The following UST variants were observed in gnomAD, a reference collection of about 807,000 sequenced individuals.
UST encodes uronyl 2-sulfotransferase.
UST carries 21 observed loss-of-function variants against 45.6 expected under a neutral mutation model. The ratio of observed to expected loss-of-function variants is 0.46; its 90% CI spans 0.33 to 0.66. The LOEUF (loss-of-function observed/expected upper bound fraction) is 0.66. Ranked by LOEUF, UST falls within the 30% of genes least tolerant of loss-of-function variation. The probability of loss-of-function intolerance (pLI) is 0.02; values close to 1 mark genes in which losing one functional copy is unlikely to be tolerated. For missense variants in UST, 463 were observed against 512.4 expected (o/e 0.90, Z 0.93); for synonymous variants, 215 against 200.6 (o/e 1.07, Z -0.61).
At position 148,999,912 on chromosome 6, in the gene UST, T is replaced by C. The variant is rs117842457; in HGVS notation, c.682-19227T>C. 9.7e-3 allele frequency among the ~76,000 whole-genome samples: 1,470 copies of C among 152,278 alleles called. 10 individuals carry two copies. The highest frequency in any genetic ancestry group is 0.015 in the Non-Finnish European group (1,004 of 68,018). ...ACCCCAAATATATTGTAATGATTGATAGAATATAAAAAGAGGAAATCCAAA... is the reference window on the plus strand; with the variant it reads ...ACCCCAAATATATTGTAATGATTGACAGAATATAAAAAGAGGAAATCCAAA... On this transcript the variant is annotated intron_variant, in intron 5 of 7. Coordinates refer to ENST00000367463, the MANE Select transcript of UST (RefSeq NM_005715.3).
At chr6:148,750,412 A>G (rs1197472834) in intron 1 of UST, among the ~76,000 whole-genome samples, 2 of 152,232 alleles carry the variant, frequency 1.3e-5, no homozygotes, top group Non-Finnish European at 2.9e-5. Context: ...CAGTGCATAC[A>G]CAGGGTGACA....
intron 1 of UST, among the ~76,000 whole-genome samples, chr6:148,800,586 T>C (rs1777037363): frequency 6.6e-6 from 1 of 152,036 alleles, no homozygotes; most frequent in South Asian, 2.1e-4. Context: ...TAGTTGCTTA[T>C]AATGGGCCAC....
At chr6:148,749,804 T>A (rs1379901697) in intron 1 of UST, among the ~76,000 whole-genome samples, 1 of 152,230 alleles carries the variant, frequency 6.6e-6, no homozygotes, top group African/African-American at 2.4e-5. Flanking sequence ...ACTGAAAGAT[T>A]GAATGCTGCT....
intron 1 of UST, among the ~76,000 whole-genome samples, chr6:148,769,413 C>T (rs1776377709): frequency 6.6e-6 from 1 of 152,204 alleles, no homozygotes; most frequent in Admixed American, 6.5e-5. Context: ...TGTTTCATAT[C>T]ACAAGAGGCA....
chr6:149,043,104 T>C (rs1261746956), intron 7 of UST, among the ~76,000 whole-genome samples: 3 of 151,188 alleles, frequency 2.0e-5, no homozygotes, highest in African/African-American at 4.9e-5. Flanking sequence ...TTGTTTCTTT[T>C]CATTCTTTCT....
intron 1 of UST, among the ~76,000 whole-genome samples, chr6:148,841,883 T>A (rs1170762671): frequency 6.6e-6 from 1 of 152,202 alleles, no homozygotes; most frequent in Non-Finnish European, 1.5e-5. Context: ...GGTGGGCAGA[T>A]CACCTGCGGT....
chr6:148,924,547 G>A (rs1483241249), intron 2 of UST, among the ~76,000 whole-genome samples: 2 of 152,204 alleles, frequency 1.3e-5, no homozygotes, highest in African/African-American at 4.8e-5. Context: ...TAAGGGGAGA[G>A]GAGACTGGCA....
intron 1 of UST, among the ~76,000 whole-genome samples, chr6:148,871,141 T>TCTCTCTCTCTCTCTCTCTCTCTCC (rs1562283619): frequency 2.7e-5 from 4 of 149,258 alleles, no homozygotes; most frequent in African/African-American, 1.0e-4. Context: ...TCTCTCTCTC[T>TCTCTCTCTCTCTCTCTCTCTCTCC]CTCTCCCTCT....
chr6:148,858,132 T>G (rs1190275028), intron 1 of UST, among the ~76,000 whole-genome samples: 1 of 152,082 alleles, frequency 6.6e-6, no homozygotes, highest in Non-Finnish European at 1.5e-5. Flanking sequence ...TGAAGGGAGT[T>G]TATTAAGGAG....
intron 1 of UST, among the ~76,000 whole-genome samples, chr6:148,766,894 G>C (rs539349180): frequency 1.3e-5 from 2 of 152,148 alleles, no homozygotes; most frequent in Non-Finnish European, 2.9e-5. Flanking sequence ...TACTATTTAG[G>C]GATGCTTTAT....
chr6:148,944,299 T>A (rs1351054669), intron 3 of UST, among the ~76,000 whole-genome samples: 1 of 152,180 alleles, frequency 6.6e-6, no homozygotes, highest in African/African-American at 2.4e-5. Context: ...TCTTGTGGGC[T>A]GGCCTGGGAC....
intron 1 of UST, among the ~76,000 whole-genome samples, chr6:148,829,771 T>A (rs1306388744): frequency 6.6e-6 from 1 of 152,218 alleles, no homozygotes; most frequent in Admixed American, 6.5e-5. Flanking sequence ...TTTCTAATAG[T>A]TACTCATAGC....
intron 1 of UST, among the ~76,000 whole-genome samples, chr6:148,786,261 TG>T (rs1776733891): frequency 6.6e-6 from 1 of 152,202 alleles, no homozygotes. Context: ...GGGGTCCGTG[TG>T]CAGGATGTGC....
intron 1 of UST, among the ~76,000 whole-genome samples, chr6:148,808,387 T>A (rs188698026): frequency 2.6e-5 from 4 of 152,256 alleles, no homozygotes; most frequent in African/African-American, 9.6e-5. Context: ...ATCCTAAACA[T>A]GACCCCTTTC....
Position 148,958,781 on chromosome 6 carries a change from G to A in UST, c.527+4830G>A, listed in dbSNP as rs186796404. 5.9e-5 allele frequency among the ~76,000 whole-genome samples: 9 copies of A among 152,184 alleles called. No homozygotes were observed. The East Asian group carries it at 1.5e-3, about 26-fold the overall frequency. On this transcript the variant is annotated intron_variant, in intron 4 of 7. Transcript: ENST00000367463. The stretch of plus-strand genomic sequence containing the variant: ...TTTTGGGGGGCGTATAAATATTTTT[G>A]CAATCTACAATGCCCCTCACCCTTC...
chr6:148,888,086 A>G (rs934388471), intron 2 of UST, among the ~76,000 whole-genome samples: 9 of 152,302 alleles, frequency 5.9e-5, no homozygotes, highest in African/African-American at 2.2e-4. Context: ...GCTGTATAGG[A>G]AGCATGATAG....
intron 1 of UST, among the ~76,000 whole-genome samples, chr6:148,835,946 T>A (rs1777779316): frequency 1.3e-5 from 2 of 152,190 alleles, no homozygotes; most frequent in African/African-American, 4.8e-5. Flanking sequence ...TTATGTTCAG[T>A]GAGGACTCAA....
intron 7 of UST, among the ~76,000 whole-genome samples, chr6:149,071,858 A>T (rs922911908): frequency 5.3e-5 from 8 of 152,242 alleles, no homozygotes; most frequent in African/African-American, 1.2e-4. Context: ...TCTAAAGAAG[A>T]TATACAAACA....
At chr6:148,772,003 T>C (rs537988845) in intron 1 of UST, among the ~76,000 whole-genome samples, 3 of 152,280 alleles carry the variant, frequency 2.0e-5, no homozygotes, top group East Asian at 1.9e-4. Context: ...TATTTTTTTT[T>C]CCCCAGAAAT....
Sources: gnomAD v4.1 joint callset for allele counts (sites outside exome capture counted in the v4.1 genomes callset) on GRCh38, gnomAD v4.1.1 for gene constraint, MANE v1.5 for transcripts, NCBI Gene and HGNC (gene_info 2026-07-23, HGNC 2026-07-21) for gene names.